The following SYNE1 variants were observed in gnomAD, a reference collection of about 807,000 sequenced individuals.
SYNE1 encodes spectrin repeat containing nuclear envelope protein 1, also known as nesprin-1.
SYNE1 carries 616 observed loss-of-function variants against 1,111.0 expected under a neutral mutation model. The ratio of observed to expected loss-of-function variants is 0.55; its 90% CI spans 0.52 to 0.59. The LOEUF is 0.59. SYNE1 is among the 20% of genes least tolerant of loss of function. SYNE1 has a pLI of 0.00. For synonymous variants in SYNE1, 3,855 were observed against 3,825.8 expected, an observed-to-expected ratio of 1.01 and a Z score of -0.28; for missense variants, 10,006 against 10,417.0, an observed-to-expected ratio of 0.96 and a Z score of 1.72.
chr6:152,388,087 AC>A (rs200472545), intron 53 of SYNE1, among the ~76,000 whole-genome samples: 2,021 of 152,310 alleles, frequency 0.013, 52 homozygotes, highest in African/African-American at 0.046. Flanking sequence ...CCCCCTGCAT[AC>A]AAGCCTATGA....
intron 105 of SYNE1, among the ~76,000 whole-genome samples, chr6:152,246,046 A>T (rs2087034894): frequency 6.6e-6 from 1 of 152,160 alleles, no homozygotes; most frequent in Admixed American, 6.6e-5. Flanking sequence ...TCCAGAGATG[A>T]GAGGGAAAAA....
intron 3 of SYNE1, among the ~76,000 whole-genome samples, chr6:152,573,974 G>T (rs2099485231): frequency 1.3e-5 from 2 of 152,010 alleles, no homozygotes; most frequent in Admixed American, 1.3e-4. Flanking sequence ...GGAGCTGGGG[G>T]AAGCAAAAAC....
intron 3 of SYNE1, among the ~76,000 whole-genome samples, chr6:152,561,032 T>C (rs1159506841): frequency 2.0e-5 from 3 of 151,930 alleles, no homozygotes; most frequent in African/African-American, 7.3e-5. Flanking sequence ...TCTCACAGAG[T>C]GCTATGTTCT....
At position 152,297,822 on chromosome 6, in the gene SYNE1, TGCGC is replaced by T. The variant is rs66459713; in HGVS notation, c.17682+2815_17682+2818del. ...GTGTGTGTGTGTGTGTGTGTGTGTGTGCGCGCGCACGTGGCTCATGCCTACAGAT... is the reference window on the plus strand; with the variant it reads ...GTGTGTGTGTGTGTGTGTGTGTGTGTGCGCACGTGGCTCATGCCTACAGAT... On this transcript the variant is annotated intron_variant, in intron 93 of 145. Transcript: ENST00000367255. 8.0e-3 allele frequency among the ~76,000 whole-genome samples: 401 copies of T among 49,854 alleles called. 7 individuals carry two copies. Among genetic ancestry groups the T allele is most frequent in the African/African-American group, 0.041 (327 of 7,902 alleles). 32.7% of individuals were successfully genotyped at this position (49,854 alleles called of 152,430 possible).
Position 152,300,684 on chromosome 6 carries a change from C to A in SYNE1, c.17639G>T (p.Arg5880Leu), listed in dbSNP as rs767844376. ...NSEISSPPAC[R>L]SPSPVANTDA... ...TGTATTAGCCACAGGTGAAGGGGAG[C>A]GACAGGCAGGTGGAGAGGAAATCTC... The change falls in exon 93 of 146, where the codon CGC (arginine) becomes CTC (leucine). Residue 5880 changes from arginine to leucine, a missense_variant. Physicochemically the swap from Arg to Leu is moderately radical, Grantham distance 102. Transcript: ENST00000367255. 196 of 1,614,014 alleles carry A rather than the reference C, an allele frequency of 1.2e-4. No homozygotes were observed. Among genetic ancestry groups the A allele is most frequent in the Non-Finnish European group, 1.6e-4 (187 of 1,180,026 alleles).
At chr6:152,145,424 C>T in intron 137 of SYNE1, 1 of 1,482,316 alleles carries the variant, frequency 6.7e-7, no homozygotes, top group Non-Finnish European at 9.4e-7. Flanking sequence ...AGCAGATGTG[C>T]TAAGAGAGGA....
chr6:152,487,333 G>C (rs2098946361), intron 12 of SYNE1, among the ~76,000 whole-genome samples: 1 of 152,162 alleles, frequency 6.6e-6, no homozygotes, highest in African/African-American at 2.4e-5. Context: ...GTTTGCTGAG[G>C]ATAATGACTT....
At chr6:152,155,095 C>A in intron 132 of SYNE1, 53 bp from the exon 133 acceptor site, 1 of 1,609,874 alleles carries the variant, frequency 6.2e-7, no homozygotes, top group South Asian at 1.1e-5. Flanking sequence ...TGTTTTCGCT[C>A]CAGAACCCGG....
At chr6:152,400,949 G>T (rs1169998928) in intron 47 of SYNE1, among the ~76,000 whole-genome samples, 189 bp downstream of exon 47, 1 of 152,100 alleles carries the variant, frequency 6.6e-6, no homozygotes, top group Non-Finnish European at 1.5e-5. Flanking sequence ...ATTCATTTTT[G>T]ATTTCTGAAC....
Position 152,401,215 on chromosome 6 carries a change from T to G in SYNE1, c.6952A>C (p.Thr2318Pro), listed in dbSNP as rs1337941453. Residue 2318 changes from threonine to proline, a missense_variant, in exon 47 of 146, where the codon ACA becomes CCA. Transcript: ENST00000367255. The stretch of plus-strand genomic sequence containing the variant: ...GATTCTTCCACTTTTGTGAACCATG[T>G]TGTTATGTCATTAATAAACTTCTCC... Reference protein sequence around the residue: ...QVEKFINDITTWFTKVEESLM... With the variant: ...QVEKFINDITPWFTKVEESLM... 1 of 1,614,062 alleles carries G rather than the reference T, an allele frequency of 6.2e-7. No individual in the cohort carries two copies. The highest frequency in any genetic ancestry group is 8.5e-7 in the Non-Finnish European group (1 of 1,180,028).
chr6:152,267,932 G>T, intron 100 of SYNE1, 124 bp downstream of exon 100: 1 of 845,042 alleles, frequency 1.2e-6, no homozygotes, highest in Non-Finnish European at 2.0e-6. Context: ...CTACCCTAAA[G>T]TAAAAATAAG....
chr6:152,286,826 C>T (rs1314592880), intron 95 of SYNE1, among the ~76,000 whole-genome samples: 3 of 152,194 alleles, frequency 2.0e-5, no homozygotes, highest in African/African-American at 7.2e-5. Flanking sequence ...TTAATTTTAT[C>T]ATGGTCTAAT....
rs1229762312 is a variant in SYNE1 at position 152,387,394 on chromosome 6, T to C, written c.8178-13A>G. ...AGACTCTAAAGTGCTAGAATTAATGTCACATATTAACAAAAATGAATTATT... is the reference window on the plus strand; with the variant it reads ...AGACTCTAAAGTGCTAGAATTAATGCCACATATTAACAAAAATGAATTATT... On this transcript the variant is annotated splice_polypyrimidine_tract_variant and intron_variant, in intron 53 of 145. Coordinates refer to ENST00000367255, the MANE Select transcript of SYNE1 (RefSeq NM_182961.4). 1.2e-6 allele frequency: 2 copies of C among 1,613,044 alleles called. No individual in the cohort carries two copies. Among genetic ancestry groups the C allele is most frequent in the African/African-American group, 2.7e-5 (2 of 75,046 alleles).
At position 152,300,671 on chromosome 6, in the gene SYNE1, A is replaced by G. The variant is rs1167143535; in HGVS notation, c.17652T>C (p.Pro5884=). ...SSPPACRSPS[P]VANTDASVNQ... is the part of the protein sequence containing the mutation. Reference sequence around the variant, plus strand: ...TAACAGAAGCATCTGTATTAGCCACAGGTGAAGGGGAGCGACAGGCAGGTG... The same window carrying G: ...TAACAGAAGCATCTGTATTAGCCACGGGTGAAGGGGAGCGACAGGCAGGTG... The change falls in exon 93 of 146, where the codon CCT becomes CCC. Residue 5884 remains proline (P), a synonymous_variant. Transcript: ENST00000367255. The G allele has an allele frequency of 2.5e-6, 4 of 1,614,228 alleles. No homozygotes were observed. The Admixed American group carries it at 6.7e-5, about 27-fold the overall frequency.
intron 126 of SYNE1, among the ~76,000 whole-genome samples, chr6:152,205,758 T>C (rs139755940): frequency 0.012 from 1,840 of 152,324 alleles, 16 homozygotes; most frequent in Non-Finnish European, 0.022. Context: ...AAGAGTATCT[T>C]TCTGGATTGG....
chr6:152,456,645 G>T, intron 22 of SYNE1: 1 of 414,226 alleles, frequency 2.4e-6, no homozygotes, highest in South Asian at 1.8e-5. Context: ...ACATCTGCAG[G>T]ACAAGATGCA....
chr6:152,526,827 A>G (rs1345008989), intron 4 of SYNE1, among the ~76,000 whole-genome samples: 8 of 152,224 alleles, frequency 5.3e-5, no homozygotes, highest in Admixed American at 5.2e-4. Flanking sequence ...CAGACCGATC[A>G]GTGCAAATCT....
chr6:152,387,157 T>A lies in SYNE1; in HGVS notation c.8402A>T (p.Tyr2801Phe). Residue 2801 changes from tyrosine to phenylalanine, a missense_variant, in exon 54 of 146, where the codon TAC (tyrosine) becomes TTC (phenylalanine). Physicochemically the swap from Tyr to Phe is conservative, Grantham distance 22 (BLOSUM62 3). This residue lies in a region of SYNE1 where 4,955 missense variants were observed against 5,017.2 expected (regional missense o/e 0.99). Coordinates refer to ENST00000367255, the MANE Select transcript of SYNE1 (RefSeq NM_182961.4). ...HRLIAKSREL[Y>F]EKTEDESFKD... is the part of the protein sequence containing the mutation. ...GAAAGACTCATCCTCTGTCTTTTCG[T>A]AGAGCTCCCTGGACTTCGCAATTAG... 1 of 1,614,196 alleles carries A rather than the reference T, an allele frequency of 6.2e-7. No individual in the cohort carries two copies. Among genetic ancestry groups the A allele is most frequent in the Non-Finnish European group, 8.5e-7 (1 of 1,180,018 alleles).
intron 75 of SYNE1, 121 bp downstream of exon 75, chr6:152,339,120 T>C (rs913417744): frequency 7.5e-7 from 1 of 1,330,360 alleles, no homozygotes; most frequent in Non-Finnish European, 1.0e-6. Flanking sequence ...ATAATGGCTG[T>C]AGAACCATTA....
Sources: allele counts gnomAD v4.1 joint callset (sites outside exome capture counted in the v4.1 genomes callset), GRCh38; gene constraint gnomAD v4.1.1; regional missense constraint gnomAD v4.1.1; transcripts MANE v1.5; gene names NCBI Gene and HGNC (gene_info 2026-07-23, HGNC 2026-07-21).